SUDS3: variants seen among roughly 807,000 people sequenced by gnomAD.
SUDS3 encodes sin3 histone deacetylase corepressor complex component SDS3.
SUDS3 carries 23 observed loss-of-function variants against 53.5 expected under a neutral mutation model. The ratio of observed to expected loss-of-function variants is 0.43; its 90% CI spans 0.31 to 0.61. The LOEUF (loss-of-function observed/expected upper bound fraction) is 0.61. Among genes scored for constraint, SUDS3 ranks in the 20% least tolerant of loss-of-function variants. The probability of loss-of-function intolerance (pLI) is 0.10; values close to 1 mark genes in which losing one functional copy is unlikely to be tolerated. For missense variants in SUDS3, 291 were observed against 405.9 expected (o/e 0.72, Z 2.43); for synonymous variants, 150 against 148.5 (o/e 1.01, Z -0.08).
At chr12:118,383,892 C>T (rs1476981854) in intron 2 of SUDS3, 120 bp from the exon 3 acceptor site, 2 of 838,506 alleles carry the variant, frequency 2.4e-6, no homozygotes, top group Non-Finnish European at 3.7e-6. Context: ...ACTTTCCTCT[C>T]TTCCCTGAAG....
chr12:118,391,154 A>G lies in SUDS3; in HGVS notation c.389A>G (p.Lys130Arg). 1 of 1,613,602 alleles carries G rather than the reference A, an allele frequency of 6.2e-7. No homozygotes were observed. Among genetic ancestry groups the G allele is most frequent in the African/African-American group, 1.3e-5 (1 of 74,956 alleles). The change falls in exon 6 of 12, where the codon AAA (lysine) becomes AGA (arginine). Residue 130 changes from lysine (K) to arginine (R), a missense_variant. Physicochemically the swap from Lys to Arg is conservative, Grantham distance 26 (BLOSUM62 2). Around this residue, in one of 4 missense-constraint regions of SUDS3, gnomAD observed 55 missense variants for 124.2 expected, o/e 0.44. Transcript: ENST00000543473. ...ETEQVERNYIKEKKAAVKEFE... is the reference protein window; with the variant it reads ...ETEQVERNYIREKKAAVKEFE... ...GAACAAGTGGAACGAAATTACATTA[A>G]AGAAAAGAAGGCAGCAGTGAAAGAA...
In SUDS3 at chr12:118,376,575, C is replaced by G; in HGVS notation, c.-117C>G. Reference sequence around the variant, plus strand: ...TCGGCGGAGACGGGGAAGGGGTCGCCGTGGCTGCCGGTCCTCGAGTTGGGG... The same window carrying G: ...TCGGCGGAGACGGGGAAGGGGTCGCGGTGGCTGCCGGTCCTCGAGTTGGGG... On this transcript the variant is annotated 5_prime_UTR_variant, in exon 1 of 12. Coordinates refer to ENST00000543473, the MANE Select transcript of SUDS3 (RefSeq NM_022491.3). 8.2e-7 allele frequency: 1 copy of G among 1,220,194 alleles called. No individual in the cohort carries two copies. Among genetic ancestry groups the G allele is most frequent in the Non-Finnish European group, 1.0e-6 (1 of 969,818 alleles). 75.6% of individuals were successfully genotyped at this position (1,220,194 alleles called of 1,614,324 possible).
intron 10 of SUDS3, among the ~76,000 whole-genome samples, chr12:118,410,746 G>T (rs2046352242): frequency 6.6e-6 from 1 of 151,870 alleles, no homozygotes; most frequent in Non-Finnish European, 1.5e-5. Flanking sequence ...ATAGGCACCT[G>T]CCACCATGCC....
chr12:118,393,043 G>T (rs532574713), intron 6 of SUDS3, among the ~76,000 whole-genome samples: 2 of 152,308 alleles, frequency 1.3e-5, no homozygotes, highest in African/African-American at 4.8e-5. Context: ...GGGCATTAAA[G>T]GTATGGATGT....
intron 7 of SUDS3, 125 bp from the exon 8 acceptor site, chr12:118,401,632 CTG>C (rs1483468672): frequency 1.6e-5 from 13 of 792,176 alleles, no homozygotes; most frequent in East Asian, 7.4e-5. Context: ...AAGAAGCAAA[CTG>C]TTACTGTAGA....
intron 10 of SUDS3, among the ~76,000 whole-genome samples, chr12:118,407,092 G>T (rs1030089839): frequency 6.6e-6 from 1 of 151,792 alleles, no homozygotes; most frequent in African/African-American, 2.4e-5. Context: ...TAGAGATGAG[G>T]TCTTGCTATG....
rs1593791432 is a variant in SUDS3 at position 118,415,982 on chromosome 12, G to A, written c.*1549G>A. ...TTATTTAGAAAACAGGATAAATGACGCTGTTATCAAAAGTTGCCTGGGGTT... is the reference window on the plus strand; with the variant it reads ...TTATTTAGAAAACAGGATAAATGACACTGTTATCAAAAGTTGCCTGGGGTT... On this transcript the variant is annotated 3_prime_UTR_variant, in exon 12 of 12. Transcript: ENST00000543473. 1 of 146,578 alleles carries A rather than the reference G, an allele frequency of 6.8e-6. No individual in the cohort carries two copies. Among genetic ancestry groups the A allele is most frequent in the Admixed American group, 6.9e-5 (1 of 14,524 alleles). The allele number at this position is 146,578 out of a possible 1,614,324, so 9.1% of individuals were successfully genotyped here.
intron 11 of SUDS3, among the ~76,000 whole-genome samples, chr12:118,411,646 C>T (rs1263233270): frequency 6.6e-6 from 1 of 151,988 alleles, no homozygotes; most frequent in Non-Finnish European, 1.5e-5. Context: ...TACAGGCACC[C>T]ACCACCACGC....
intron 10 of SUDS3, among the ~76,000 whole-genome samples, chr12:118,409,342 T>A (rs2046337927): frequency 6.6e-6 from 1 of 152,098 alleles, no homozygotes; most frequent in Non-Finnish European, 1.5e-5. Context: ...AGATGGGGTT[T>A]CACCATGTTG....
chr12:118,385,958 G>A (rs888078833), intron 3 of SUDS3, among the ~76,000 whole-genome samples, 156 bp from the exon 4 acceptor site: 10 of 152,174 alleles, frequency 6.6e-5, no homozygotes. Flanking sequence ...TCTGCTGTGT[G>A]CCTTGGTTAA....
Position 118,384,006 on chromosome 12 carries a change from T to TA in SUDS3, c.213-6_213-5insA. 1.2e-6 allele frequency: 2 copies of TA among 1,608,132 alleles called. No individual in the cohort carries two copies. The highest frequency in any genetic ancestry group is 2.2e-5 in the South Asian group (2 of 89,926). On this transcript the variant is annotated splice_polypyrimidine_tract_variant and splice_region_variant and intron_variant, in intron 2 of 11. Transcript: ENST00000543473. ...ATCTGTTAGTGTGACTTTTTTTTTT[T>TA]TATAGGATGTATCAGGACAAACTGG...
At chr12:118,405,988 A>G (rs1593779527) in intron 10 of SUDS3, among the ~76,000 whole-genome samples, 1 of 152,224 alleles carries the variant, frequency 6.6e-6, no homozygotes, top group Non-Finnish European at 1.5e-5. Context: ...GGATTCAGGC[A>G]TCGCATCTTG....
intron 11 of SUDS3, among the ~76,000 whole-genome samples, chr12:118,412,498 A>C (rs1056815300): frequency 1.3e-5 from 2 of 152,182 alleles, no homozygotes; most frequent in Non-Finnish European, 2.9e-5. Flanking sequence ...AGATAAATGA[A>C]TGCCATTCTT....
intron 2 of SUDS3, among the ~76,000 whole-genome samples, chr12:118,381,240 G>A (rs2046056254): frequency 6.6e-6 from 1 of 150,644 alleles, no homozygotes; most frequent in Non-Finnish European, 1.5e-5. Context: ...AGTCTTGCTC[G>A]GTTGCCCAGG....
intron 6 of SUDS3, among the ~76,000 whole-genome samples, chr12:118,398,915 G>A (rs2046240217): frequency 6.6e-6 from 1 of 152,120 alleles, no homozygotes; most frequent in South Asian, 2.1e-4. Context: ...TTGTATAGAT[G>A]CTCTGGTTAC....
intron 6 of SUDS3, among the ~76,000 whole-genome samples, chr12:118,396,374 C>G (rs905501300): frequency 5.9e-5 from 9 of 152,170 alleles, no homozygotes; most frequent in Admixed American, 2.6e-4. Context: ...ACCTCAGCCT[C>G]CCAAGTAGCT....
chr12:118,410,583 T>TTTATTTATTTA lies in SUDS3; in HGVS notation c.804-490_804-489insTTATTTATTTA, dbSNP rs1566211302. On this transcript the variant is annotated intron_variant, in intron 10 of 11. Coordinates refer to ENST00000543473, the MANE Select transcript of SUDS3 (RefSeq NM_022491.3). ...TATTTATTTATTTATTTATTTATTT[T>TTTATTTATTTA]ATTTATTTATTTATTTATTTATTTA... 5.1e-5 allele frequency among the ~76,000 whole-genome samples: 7 copies of TTTATTTATTTA among 136,116 alleles called. No individual in the cohort carries two copies. The East Asian group carries it at 1.3e-3, about 26-fold the overall frequency. 89.3% of individuals were successfully genotyped at this position (136,116 alleles called of 152,430 possible).
intron 3 of SUDS3, among the ~76,000 whole-genome samples, chr12:118,384,314 C>A (rs1203539605): frequency 6.6e-6 from 1 of 152,138 alleles, no homozygotes; most frequent in South Asian, 2.1e-4. Context: ...TTGGGACTTT[C>A]AATGGAGCAC....
chr12:118,376,938 C>A, intron 1 of SUDS3, 105 bp downstream of exon 1: 2 of 1,326,690 alleles, frequency 1.5e-6, no homozygotes, highest in East Asian at 3.0e-5. Context: ...GGGCCTGGGG[C>A]TGCGTGGAGG....
Sources: allele counts gnomAD v4.1 joint callset (sites outside exome capture counted in the v4.1 genomes callset), GRCh38; gene constraint gnomAD v4.1.1; regional missense constraint gnomAD v4.1.1; transcripts MANE v1.5; gene names NCBI Gene and HGNC (gene_info 2026-07-23, HGNC 2026-07-21).